Variants in GNA14 observed in about 807,000 individuals in gnomAD.
GNA14 encodes the protein G protein subunit alpha 14.
A neutral mutation model predicts 42.0 loss-of-function variants in GNA14; 50 were observed. The ratio of observed to expected loss-of-function variants is 1.19; its 90% CI spans 0.95 to 1.51. The LOEUF (loss-of-function observed/expected upper bound fraction) is 1.51, where lower values mean the gene tolerates loss of function less well. Among genes scored for constraint, GNA14 ranks in the 40% most tolerant of loss-of-function variants. GNA14 has a pLI of 0.00. For synonymous variants in GNA14, 173 were observed against 163.1 expected, an observed-to-expected ratio of 1.06 and a Z score of -0.46; for missense variants, 473 against 446.2, an observed-to-expected ratio of 1.06 and a Z score of -0.54.
rs949003505 is a variant in GNA14, at chr9:77,640,832, G to A, written c.124+6838C>T. Among the ~76,000 whole-genome samples, 6 of 129,676 alleles carry A rather than the reference G, an allele frequency of 4.6e-5. No homozygotes were observed. The East Asian group carries it at 6.7e-4, about 15-fold the overall frequency. The allele number at this position is 129,676 out of a possible 152,430, so 85.1% of individuals were successfully genotyped here. On this transcript the variant is annotated intron_variant, in intron 1 of 6. Coordinates refer to ENST00000341700, the MANE Select transcript of GNA14 (RefSeq NM_004297.4). Reference sequence around the variant, plus strand: ...AGCTGGGGAAGAATTGGTACAAGACGAGCCTGGGGCATGTTATGCCAGAAA... The same window carrying A: ...AGCTGGGGAAGAATTGGTACAAGACAAGCCTGGGGCATGTTATGCCAGAAA...
intron 4 of GNA14, among the ~76,000 whole-genome samples, chr9:77,429,333 C>A (rs770958945): frequency 6.6e-6 from 1 of 152,104 alleles, no homozygotes; most frequent in Non-Finnish European, 1.5e-5. Flanking sequence ...AAAACGCAAA[C>A]GTTCACTTGG....
rs532256833 is a variant in GNA14 at position 77,486,112 on chromosome 9, T to C, written c.309+42957A>G. ...TTCCAATAGAAGGCTGTTTCATCTATATTGAAAATCTGTGGTTTGGTGTAG... is the reference window on the plus strand; with the variant it reads ...TTCCAATAGAAGGCTGTTTCATCTACATTGAAAATCTGTGGTTTGGTGTAG... On this transcript the variant is annotated intron_variant, in intron 2 of 6. Transcript: ENST00000341700. 2.6e-5 allele frequency among the ~76,000 whole-genome samples: 4 copies of C among 152,368 alleles called. No individual in the cohort carries two copies. In the South Asian group the frequency reaches 6.2e-4, roughly 24 times the overall value.
At chr9:77,463,721 A>G (rs967758495) in intron 2 of GNA14, among the ~76,000 whole-genome samples, 1 of 152,196 alleles carries the variant, frequency 6.6e-6, no homozygotes, top group Admixed American at 6.5e-5. Flanking sequence ...TGGCAGAATC[A>G]TGCCAGGTTC....
At chr9:77,433,173 A>G (rs1587757148) in intron 3 of GNA14, among the ~76,000 whole-genome samples, 1 of 152,140 alleles carries the variant, frequency 6.6e-6, no homozygotes, top group African/African-American at 2.4e-5. Flanking sequence ...GCCTGCTCAG[A>G]GGGTGACAGT....
At position 77,643,337 on chromosome 9, in the gene GNA14, T is replaced by G. The variant is rs533080334; in HGVS notation, c.124+4333A>C. 9.9e-5 allele frequency among the ~76,000 whole-genome samples: 15 copies of G among 151,940 alleles called. No individual in the cohort carries two copies. The South Asian group carries it at 1.9e-3, about 19-fold the overall frequency. Reference sequence around the variant, plus strand: ...TCACTGCAACCTCCACCTCCCAGGTTCAAGCGATTATCTTGCCTCAACCTC... The same window carrying G: ...TCACTGCAACCTCCACCTCCCAGGTGCAAGCGATTATCTTGCCTCAACCTC... On this transcript the variant is annotated intron_variant, in intron 1 of 6. Coordinates refer to ENST00000341700, the MANE Select transcript of GNA14 (RefSeq NM_004297.4).
rs570308115 is a variant in GNA14, at chr9:77,489,897, AG to A, written c.309+39171del. Among the ~76,000 whole-genome samples the A allele has an allele frequency of 3.3e-3, 495 of 152,254 alleles. 4 individuals are homozygous for A. Among genetic ancestry groups the A allele is most frequent in the South Asian group, 3.1e-3 (15 of 4,824 alleles). On this transcript the variant is annotated intron_variant, in intron 2 of 6. Coordinates refer to ENST00000341700, the MANE Select transcript of GNA14 (RefSeq NM_004297.4). ...AAGAACAAAGCTTCCACAATGTGGAAGGGGACCGGAGCAGGTTGCCACTGGC... is the reference window on the plus strand; with the variant it reads ...AAGAACAAAGCTTCCACAATGTGGAAGGGACCGGAGCAGGTTGCCACTGGC...
chr9:77,483,901 C>G (rs537709802), intron 2 of GNA14, among the ~76,000 whole-genome samples: 6 of 151,822 alleles, frequency 4.0e-5, no homozygotes, highest in Admixed American at 3.9e-4. Context: ...TTTCAAAAAA[C>G]AAACACAAAA....
intron 5 of GNA14, among the ~76,000 whole-genome samples, chr9:77,428,157 C>A (rs946505676): frequency 1.4e-5 from 2 of 147,874 alleles, no homozygotes; most frequent in Non-Finnish European, 3.0e-5. Flanking sequence ...CGGCTCACTG[C>A]AAGCTCCGCC....
intron 2 of GNA14, among the ~76,000 whole-genome samples, chr9:77,504,548 A>AAAGAG (rs1554692570): frequency 6.9e-6 from 1 of 145,036 alleles, no homozygotes; most frequent in Admixed American, 6.8e-5. Context: ...AAAAAAAAAA[A>AAAGAG]AGAGAGAGAG....
At chr9:77,460,789 A>G (rs1489900667) in intron 2 of GNA14, among the ~76,000 whole-genome samples, 1 of 152,168 alleles carries the variant, frequency 6.6e-6, no homozygotes, top group East Asian at 1.9e-4. Flanking sequence ...AAAAGAACGA[A>G]GTGCATTATC....
At chr9:77,494,838 T>C (rs1836845851) in intron 2 of GNA14, among the ~76,000 whole-genome samples, 1 of 152,222 alleles carries the variant, frequency 6.6e-6, no homozygotes, top group East Asian at 1.9e-4. Context: ...CTCGCTTTGC[T>C]GCCCAGGCTG....
At chr9:77,593,334 C>CTTTTTTT (rs59975831) in intron 1 of GNA14, among the ~76,000 whole-genome samples, 30 of 142,966 alleles carry the variant, frequency 2.1e-4, no homozygotes, top group African/African-American at 7.5e-4. Flanking sequence ...CCTAACATTC[C>CTTTTTTT]TTTTTTTTTT....
intron 1 of GNA14, among the ~76,000 whole-genome samples, chr9:77,639,518 G>T (rs1389957300): frequency 1.3e-5 from 2 of 152,192 alleles, no homozygotes; most frequent in Non-Finnish European, 2.9e-5. Context: ...CCAACAACCT[G>T]GTAGATGAGC....
intron 2 of GNA14, among the ~76,000 whole-genome samples, chr9:77,517,829 T>C (rs1239000407): frequency 6.6e-6 from 1 of 151,888 alleles, no homozygotes; most frequent in African/African-American, 2.4e-5. Context: ...GGTCTTGAAC[T>C]CCTGGGCTGA....
intron 1 of GNA14, among the ~76,000 whole-genome samples, chr9:77,608,355 A>G (rs1489057351): frequency 1.3e-5 from 2 of 152,186 alleles, no homozygotes; most frequent in Non-Finnish European, 2.9e-5. Context: ...CTTCAGGATG[A>G]ATCGTACCTT....
At chr9:77,449,506 T>C (rs1835871849) in intron 2 of GNA14, among the ~76,000 whole-genome samples, 1 of 152,342 alleles carries the variant, frequency 6.6e-6, no homozygotes. Flanking sequence ...TGTTTGTTTT[T>C]ACAAAGTCTA....
intron 1 of GNA14, among the ~76,000 whole-genome samples, chr9:77,589,120 T>A (rs1229239357): frequency 1.3e-5 from 2 of 152,238 alleles, no homozygotes; most frequent in Non-Finnish European, 2.9e-5. Context: ...CAGGAATCTA[T>A]TATAGCTCAG....
In GNA14 at chr9:77,547,014, T is replaced by C. The variant is rs536090401; in HGVS notation, c.125-17761A>G. ...TCATCCTACATATAACTCTGTCTTA[T>C]TGGGTGTGGGGGAGGCTTTATAAGA... On this transcript the variant is annotated intron_variant, in intron 1 of 6. Transcript: ENST00000341700. 2.2e-3 allele frequency among the ~76,000 whole-genome samples: 328 copies of C among 152,320 alleles called. 2 individuals carry two copies. The highest frequency in any genetic ancestry group is 7.3e-3 in the African/African-American group (304 of 41,578).
intron 2 of GNA14, among the ~76,000 whole-genome samples, chr9:77,459,197 CTG>C (rs1306699105): frequency 2.0e-5 from 3 of 151,752 alleles, no homozygotes; most frequent in African/African-American, 7.3e-5. Context: ...GATCACATCA[CTG>C]CCCTCCAGCC....
Sources: gnomAD v4.1 joint callset for allele counts (sites outside exome capture counted in the v4.1 genomes callset) on GRCh38, gnomAD v4.1.1 for gene constraint, MANE v1.5 for transcripts, NCBI Gene and HGNC (gene_info 2026-07-23, HGNC 2026-07-21) for gene names.